Variants in UGT8 observed in about 807,000 individuals in gnomAD.
The protein encoded by UGT8 is UDP glycosyltransferase 8, also known as 2-hydroxyacylsphingosine 1-beta-galactosyltransferase.
A neutral mutation model predicts 40.5 loss-of-function variants in UGT8; 12 were observed. That is an observed-to-expected ratio of 0.30 (90% CI 0.19 to 0.48). The LOEUF (loss-of-function observed/expected upper bound fraction) is 0.48, where lower values mean the gene tolerates loss of function less well. Among genes scored for constraint, UGT8 ranks in the 20% least tolerant of loss-of-function variants. The probability of loss-of-function intolerance (pLI) is 0.99; values close to 1 mark genes in which losing one functional copy is unlikely to be tolerated. For synonymous variants in UGT8, 224 were observed against 240.4 expected (o/e 0.93, Z 0.63); for missense variants, 513 against 648.7 (o/e 0.79, Z 2.27).
At chr4:114,635,257 A>G (rs1411557493) in intron 2 of UGT8, among the ~76,000 whole-genome samples, 1 of 152,056 alleles carries the variant, frequency 6.6e-6, no homozygotes, top group African/African-American at 2.4e-5. Flanking sequence ...AGGCTGAGGC[A>G]GGAGAATCAC....
chr4:114,661,668 T>C (rs535812326), intron 2 of UGT8, among the ~76,000 whole-genome samples: 7 of 152,316 alleles, frequency 4.6e-5, no homozygotes, highest in South Asian at 2.1e-4. Context: ...AGGGGTTACA[T>C]TGAGGGACAG....
intron 3 of UGT8, among the ~76,000 whole-genome samples, chr4:114,664,954 T>C (rs554955545): frequency 4.6e-5 from 7 of 152,310 alleles, no homozygotes; most frequent in Admixed American, 3.9e-4. Flanking sequence ...CTGGCTGAAC[T>C]ATGCAGTGAT....
rs546892524 is a variant in UGT8 at position 114,623,130 on chromosome 4, G to A, written c.250G>A (p.Ala84Thr). 2.5e-6 allele frequency: 4 copies of A among 1,614,040 alleles called. No homozygotes were observed. The South Asian group carries it at 4.4e-5, about 18-fold the overall frequency. ...PGIFNSTTSD[A>T]FLQSKMRNIF... ...GATCTTTAACAGTACCACCTCAGAT[G>A]CTTTCCTACAGTCCAAGATGCGGAA... The change falls in exon 2 of 6, where the codon GCT becomes ACT. Residue 84 changes from alanine (A) to threonine (T), a missense_variant. Around this residue, in one of 3 missense-constraint regions of UGT8, gnomAD observed 335 missense variants for 444.8 expected, o/e 0.75. Transcript: ENST00000310836.
intron 3 of UGT8, chr4:114,665,383 G>GTTGT (rs745960770): frequency 2.9e-5 from 29 of 984,950 alleles, no homozygotes; most frequent in Middle Eastern, 5.2e-4. Flanking sequence ...TTATTTGTTT[G>GTTGT]TTGTTTGTTT....
chr4:114,641,003 T>G (rs1444053967), intron 2 of UGT8, among the ~76,000 whole-genome samples: 1 of 152,210 alleles, frequency 6.6e-6, no homozygotes, highest in Non-Finnish European at 1.5e-5. Flanking sequence ...ATTTTAGTCA[T>G]TGTTATCGGT....
chr4:114,666,262 G>T (rs1734872626), intron 4 of UGT8, among the ~76,000 whole-genome samples: 1 of 151,986 alleles, frequency 6.6e-6, no homozygotes, highest in Non-Finnish European at 1.5e-5. Flanking sequence ...TGGATTATCT[G>T]CTCTGTTTAG....
chr4:114,633,725 C>T (rs1732718514), intron 2 of UGT8, among the ~76,000 whole-genome samples: 1 of 152,194 alleles, frequency 6.6e-6, no homozygotes, highest in Non-Finnish European at 1.5e-5. Flanking sequence ...GTGGGCAGAT[C>T]AAGAGGTCAG....
intron 5 of UGT8, among the ~76,000 whole-genome samples, chr4:114,668,774 G>A (rs576208572): frequency 1.3e-3 from 197 of 152,316 alleles, no homozygotes; most frequent in Non-Finnish European, 1.2e-3. Context: ...TGCATGGTAA[G>A]CCTGGTGTTG....
intron 1 of UGT8, among the ~76,000 whole-genome samples, chr4:114,604,748 C>T (rs927539624): frequency 1.3e-5 from 2 of 151,914 alleles, no homozygotes; most frequent in African/African-American, 4.8e-5. Flanking sequence ...TTTGTTGTCC[C>T]AATACATGTT....
At chr4:114,611,498 A>C (rs865935818) in intron 1 of UGT8, among the ~76,000 whole-genome samples, 2 of 131,652 alleles carry the variant, frequency 1.5e-5, no homozygotes, top group Non-Finnish European at 1.6e-5. Flanking sequence ...TATATATTAG[A>C]TATCTATATA....
intron 2 of UGT8, among the ~76,000 whole-genome samples, chr4:114,633,946 A>T (rs1402101933): frequency 2.0e-5 from 3 of 152,108 alleles, no homozygotes; most frequent in African/African-American, 7.2e-5. Flanking sequence ...TGTCTAAAAA[A>T]AAAAAAGGAT....
At chr4:114,672,212 C>A (rs1397208043) in intron 5 of UGT8, among the ~76,000 whole-genome samples, 1 of 152,148 alleles carries the variant, frequency 6.6e-6, no homozygotes, top group Non-Finnish European at 1.5e-5. Flanking sequence ...ACGCTTTATG[C>A]TGTTGGTGGG....
chr4:114,634,354 T>C (rs1159744040), intron 2 of UGT8, among the ~76,000 whole-genome samples: 1 of 152,114 alleles, frequency 6.6e-6, no homozygotes, highest in Non-Finnish European at 1.5e-5. Flanking sequence ...CAATGCTGGG[T>C]ATTCAGTTGT....
intron 2 of UGT8, among the ~76,000 whole-genome samples, chr4:114,662,576 T>C (rs141066137): frequency 2.6e-4 from 39 of 152,294 alleles, no homozygotes; most frequent in African/African-American, 8.9e-4. Context: ...ACTCAGTAGC[T>C]AGAAGGATGT....
At chr4:114,622,698 G>C in intron 1 of UGT8, 181 bp from the exon 2 acceptor site, 1 of 552,068 alleles carries the variant, frequency 1.8e-6, no homozygotes, top group Admixed American at 3.6e-5. Flanking sequence ...GTGATGGTGA[G>C]CATTTTTTCA....
chr4:114,668,082 C>T lies in UGT8; in HGVS notation c.1043-3C>T. ...AGTTGTTTTCTTTTTCATCTTTCTT[C>T]AGGGCATTCAAAGATTAAAGCCTTC... On this transcript the variant is annotated splice_region_variant and splice_polypyrimidine_tract_variant and intron_variant, in intron 4 of 5. Coordinates refer to ENST00000310836, the MANE Select transcript of UGT8 (RefSeq NM_001128174.3). 2.5e-6 allele frequency: 4 copies of T among 1,611,188 alleles called. No individual in the cohort carries two copies. Among genetic ancestry groups the T allele is most frequent in the Middle Eastern group, 1.7e-4 (1 of 6,046 alleles).
chr4:114,664,520 A>G (rs886743899), intron 3 of UGT8, among the ~76,000 whole-genome samples: 1 of 152,216 alleles, frequency 6.6e-6, no homozygotes, highest in African/African-American at 2.4e-5. Context: ...TGAGGAAGAA[A>G]ATGATGGATT....
At chr4:114,663,815 G>A in intron 2 of UGT8, 180 bp from the exon 3 acceptor site, 2 of 985,048 alleles carry the variant, frequency 2.0e-6, no homozygotes, top group Non-Finnish European at 2.4e-6. Flanking sequence ...ATTTCAGTTA[G>A]CATTATCAGA....
rs996342193 is a variant in UGT8, at chr4:114,623,756, G to T, written c.822+54G>T. 4.1e-5 allele frequency: 62 copies of T among 1,525,228 alleles called. No homozygotes were observed. In the Admixed American group the frequency reaches 6.2e-4, roughly 15 times the overall value. 94.5% of individuals were successfully genotyped at this position (1,525,228 alleles called of 1,614,324 possible). ...CTTTTTTAATGTAAAAGTCAATTTT[G>T]ATTTTTGGAAGAGATATGATTTGTT... On this transcript the variant is annotated intron_variant, in intron 2 of 5. Transcript: ENST00000310836.
Sources: allele counts gnomAD v4.1 joint callset (sites outside exome capture counted in the v4.1 genomes callset), GRCh38; gene constraint gnomAD v4.1.1; regional missense constraint gnomAD v4.1.1; transcripts MANE v1.5; gene names NCBI Gene and HGNC (gene_info 2026-07-23, HGNC 2026-07-21).